TBL1X: variants seen among roughly 807,000 people sequenced by gnomAD.
TBL1X encodes F-box-like/WD repeat-containing protein TBL1X.
Under a neutral mutation model 50.7 loss-of-function variants are expected in TBL1X, and 10 were observed. The ratio of observed to expected loss-of-function variants is 0.20; its 90% confidence interval spans 0.12 to 0.33. TBL1X has a LOEUF of 0.33. Ranked by LOEUF, TBL1X falls within the 10% of genes least tolerant of loss-of-function variation. The probability of loss-of-function intolerance (pLI) is 1.00; values close to 1 mark genes in which losing one functional copy is unlikely to be tolerated. For missense variants in TBL1X, 340 were observed against 504.4 expected, an observed-to-expected ratio of 0.67 and a Z score of 3.12; for synonymous variants, 190 against 214.7, an observed-to-expected ratio of 0.88 and a Z score of 1.01.
At chrX:9,627,500 G>A (rs1200378145) in intron 2 of TBL1X, among the ~76,000 whole-genome samples, 2 of 112,016 alleles carry the variant, frequency 1.8e-5, no homozygotes, top group Admixed American at 9.5e-5. Context: ...AAAATTAATT[G>A]AAGGCAGTTG....
At position 9,514,327 on chromosome X, in the gene TBL1X, TGTGA is replaced by T. The variant is rs923852965; in HGVS notation, c.-131+12482_-131+12485del. Among the ~76,000 whole-genome samples, 28 of 68,780 alleles carry T rather than the reference TGTGA, an allele frequency of 4.1e-4. 1 individual carries two copies. Among genetic ancestry groups the T allele is most frequent in the Non-Finnish European group, 5.8e-4 (20 of 34,253 alleles). The allele number at this position is 68,780 out of a possible 115,157, so 59.7% of individuals were successfully genotyped here. On this transcript the variant is annotated intron_variant, in intron 2 of 17. Coordinates refer to ENST00000645353, the MANE Select transcript of TBL1X (RefSeq NM_005647.4). ...AAAACAAAAAAACCCCACATGACAC[TGTGA>T]GTGTTTTTTTTTTAATTTGCAGGAG... is the stretch of plus-strand genomic sequence containing the variant.
chrX:9,475,718 C>T (rs930345996), intron 1 of TBL1X, among the ~76,000 whole-genome samples: 1 of 111,345 alleles, frequency 9.0e-6, no homozygotes, highest in African/African-American at 3.3e-5. Context: ...CTTAGAATGG[C>T]TGAAGGTTTG....
In TBL1X at chrX:9,537,340, G is replaced by GAAT. The variant is rs746327555; in HGVS notation, c.-131+35492_-131+35494dup. Among the ~76,000 whole-genome samples, 5 of 108,313 alleles carry GAAT rather than the reference G, an allele frequency of 4.6e-5. No individual in the cohort carries two copies. The South Asian group carries it at 2.0e-3, about 44-fold the overall frequency. The allele number at this position is 108,313 out of a possible 115,157, so 94.1% of individuals were successfully genotyped here. A position where few individuals can be genotyped will look rare whatever the true frequency, so the allele number is the denominator to read the frequency against. On this transcript the variant is annotated intron_variant, in intron 2 of 17. Coordinates refer to ENST00000645353, the MANE Select transcript of TBL1X (RefSeq NM_005647.4). ...TTATTGTGGTAAAATACATAAAACA[G>GAAT]AATTTACCATCATAACCATTTCTAA...
chrX:9,641,943 A>G (rs1290860288), intron 3 of TBL1X, among the ~76,000 whole-genome samples: 1 of 112,166 alleles, frequency 8.9e-6, no homozygotes, highest in Non-Finnish European at 1.9e-5. Flanking sequence ...TTGTGTGGAC[A>G]TATGTTTCAT....
chrX:9,634,604 G>C (rs2082736879), intron 2 of TBL1X, among the ~76,000 whole-genome samples: 1 of 110,073 alleles, frequency 9.1e-6, no homozygotes. Context: ...TTCCCACCTC[G>C]GCCTCCCAAA....
At chrX:9,623,171 T>C (rs182108531) in intron 2 of TBL1X, among the ~76,000 whole-genome samples, 72 of 112,378 alleles carry the variant, frequency 6.4e-4, no homozygotes, top group African/African-American at 2.2e-3. Flanking sequence ...AATTTAGCCC[T>C]TGCTAATTTT....
At chrX:9,703,842 G>T (rs1482653748) in intron 12 of TBL1X, among the ~76,000 whole-genome samples, 1 of 112,226 alleles carries the variant, frequency 8.9e-6, no homozygotes, top group Non-Finnish European at 1.9e-5. Context: ...AACGAGGAAT[G>T]AGGTCCATTT....
At chrX:9,652,877 A>G (rs887775628) in intron 3 of TBL1X, among the ~76,000 whole-genome samples, 1 of 110,597 alleles carries the variant, frequency 9.0e-6, no homozygotes, top group African/African-American at 3.3e-5. Context: ...GAAAGAAAGA[A>G]AAAAAGAGGC....
At chrX:9,564,495 G>A (rs1436491864) in intron 2 of TBL1X, among the ~76,000 whole-genome samples, 1 of 110,792 alleles carries the variant, frequency 9.0e-6, no homozygotes, top group South Asian at 3.8e-4. Context: ...GCACTTTGGG[G>A]GGGCCCAGGT....
At chrX:9,540,132 C>A (rs1469420654) in intron 2 of TBL1X, among the ~76,000 whole-genome samples, 2 of 112,468 alleles carry the variant, frequency 1.8e-5, no homozygotes, top group East Asian at 5.6e-4. Context: ...AGTAACTAAT[C>A]ATCATCACTG....
intron 2 of TBL1X, among the ~76,000 whole-genome samples, chrX:9,599,552 T>G (rs752971426): frequency 5.1e-4 from 57 of 112,020 alleles, no homozygotes; most frequent in Non-Finnish European, 9.4e-4. Context: ...GCAGATAGAT[T>G]GCCTTGGCAG....
intron 2 of TBL1X, among the ~76,000 whole-genome samples, chrX:9,537,797 T>C (rs1337095628): frequency 8.9e-6 from 1 of 112,213 alleles, no homozygotes; most frequent in East Asian, 2.8e-4. Flanking sequence ...TCTCATTGAT[T>C]TAAGTTTACA....
intron 2 of TBL1X, among the ~76,000 whole-genome samples, chrX:9,526,027 T>C (rs2146969231): frequency 9.1e-6 from 1 of 109,568 alleles, no homozygotes; most frequent in African/African-American, 3.3e-5. Context: ...GTGTCAGAAA[T>C]AAGACTAATG....
At chrX:9,659,330 C>G (rs1441715553) in intron 5 of TBL1X, among the ~76,000 whole-genome samples, 2 of 112,003 alleles carry the variant, frequency 1.8e-5, no homozygotes, top group Non-Finnish European at 3.8e-5. Context: ...TTTGCCCTTG[C>G]AAGAATGGCA....
chrX:9,626,259 A>G (rs1370200163), intron 2 of TBL1X, among the ~76,000 whole-genome samples: 3 of 112,007 alleles, frequency 2.7e-5, no homozygotes, highest in East Asian at 5.6e-4. Context: ...CCCAGACACT[A>G]AAGTCACAGG....
At chrX:9,546,803 ATTTTTTTTTTTTTTTTT>A (rs774181046) in intron 2 of TBL1X, among the ~76,000 whole-genome samples, 5 of 44,986 alleles carry the variant, frequency 1.1e-4, no homozygotes, top group African/African-American at 2.7e-4. Context: ...TTTATTCTTA[ATTTTTTTTTTTTTTTTT>A]TTTTTTTTTT....
chrX:9,469,440 G>A (rs970380250), intron 1 of TBL1X, among the ~76,000 whole-genome samples: 4 of 112,180 alleles, frequency 3.6e-5, no homozygotes, highest in African/African-American at 1.3e-4. Context: ...TGGGCTTATG[G>A]GCATGAGCCA....
At chrX:9,466,801 A>G (rs2146918265) in intron 1 of TBL1X, among the ~76,000 whole-genome samples, 1 of 112,634 alleles carries the variant, frequency 8.9e-6, no homozygotes, top group East Asian at 2.8e-4. Context: ...TGACGCGTTT[A>G]TTTTAAAGGG....
chrX:9,704,811 C>T (rs2083197430), intron 12 of TBL1X, among the ~76,000 whole-genome samples, 182 bp from the exon 13 acceptor site: 1 of 112,018 alleles, frequency 8.9e-6, no homozygotes, highest in Admixed American at 9.4e-5. Flanking sequence ...CCCAGGAATT[C>T]TAGGCTGCGT....
Sources: gnomAD v4.1 joint callset for allele counts (sites outside exome capture counted in the v4.1 genomes callset) on GRCh38, gnomAD v4.1.1 for gene constraint, MANE v1.5 for transcripts, NCBI Gene and HGNC (gene_info 2026-07-23, HGNC 2026-07-21) for gene names.